The following SAMMSON variants were observed in gnomAD, a reference collection of about 807,000 sequenced individuals.
SAMMSON encodes survival associated mitochondrial melanoma specific oncogenic non-coding RNA.
At position 70,378,979 on chromosome 3, in the gene SAMMSON, TTTTATTTATTTATTTA is replaced by T. The variant is rs145138282; in HGVS notation, n.914-10559_914-10544del. Reference sequence around the variant, plus strand: ...AAACATTGCAGGGGTATACTTACACTTTTATTTATTTATTTATTTATTTATTTATTTATTTATTTAT... The same window carrying T: ...AAACATTGCAGGGGTATACTTACACTTTTATTTATTTATTTATTTATTTAT... On this transcript the variant is annotated intron_variant and non_coding_transcript_variant, in intron 9 of 9. Transcript: ENST00000642114. Among the ~76,000 whole-genome samples the T allele has an allele frequency of 3.9e-3, 551 of 141,492 alleles. 4 individuals carry two copies. Among genetic ancestry groups the T allele is most frequent in the African/African-American group, 0.012 (455 of 38,140 alleles). 92.8% of individuals were successfully genotyped at this position (141,492 alleles called of 152,430 possible).
chr3:70,081,050 A>G (rs1240900816), intron 4 of SAMMSON, among the ~76,000 whole-genome samples: 2 of 152,180 alleles, frequency 1.3e-5, no homozygotes, highest in South Asian at 4.1e-4. Flanking sequence ...AGTTTTGTTC[A>G]TTGATACTGT....
At chr3:70,433,041 T>G (rs1434672116) in intron 2 of SAMMSON, among the ~76,000 whole-genome samples, 2 of 152,128 alleles carry the variant, frequency 1.3e-5, no homozygotes, top group African/African-American at 2.4e-5. Flanking sequence ...AGCTATATAT[T>G]ATACTACAGT....
chr3:70,116,718 G>A (rs1032921523), intron 4 of SAMMSON, among the ~76,000 whole-genome samples: 3 of 152,086 alleles, frequency 2.0e-5, no homozygotes, highest in Non-Finnish European at 4.4e-5. Context: ...CATCATGAAT[G>A]AAGAAAAGGG....
At chr3:70,430,362 G>A (rs1701403898) in intron 2 of SAMMSON, among the ~76,000 whole-genome samples, 1 of 151,930 alleles carries the variant, frequency 6.6e-6, no homozygotes, top group Admixed American at 6.6e-5. Context: ...TGCTGGATTC[G>A]GTATGCCACT....
At chr3:70,316,042 T>C (rs1702491939) in intron 7 of SAMMSON, among the ~76,000 whole-genome samples, 2 of 152,192 alleles carry the variant, frequency 1.3e-5, no homozygotes, top group Non-Finnish European at 2.9e-5. Context: ...CACTTCTTTT[T>C]ATAATTCTGT....
chr3:70,143,108 G>A (rs1470809076), intron 4 of SAMMSON, among the ~76,000 whole-genome samples: 1 of 152,030 alleles, frequency 6.6e-6, no homozygotes, highest in Non-Finnish European at 1.5e-5. Flanking sequence ...CTTGTTACTT[G>A]ACCATTTGCT....
intron 6 of SAMMSON, among the ~76,000 whole-genome samples, chr3:70,268,789 C>A (rs980449617): frequency 6.6e-6 from 1 of 152,114 alleles, no homozygotes; most frequent in Non-Finnish European, 1.5e-5. Flanking sequence ...TTATTTGCAT[C>A]ATAAATATTT....
rs116180567 is a variant in SAMMSON, at chr3:70,223,644, A to G, written n.508-25463A>G. Among the ~76,000 whole-genome samples the G allele has an allele frequency of 5.1e-3, 777 of 152,270 alleles. 9 individuals are homozygous for G. Among genetic ancestry groups the G allele is most frequent in the Middle Eastern group, 0.014 (4 of 294 alleles). The stretch of plus-strand genomic sequence containing the variant: ...ACAGGCTATTTCCTGGTACCCTGTC[A>G]CAGGTTCATTCCCAAGACTTAAGTC... On this transcript the variant is annotated intron_variant and non_coding_transcript_variant, in intron 4 of 9. Coordinates refer to ENST00000642114, the Ensembl canonical transcript of SAMMSON.
chr3:70,343,465 AG>A (rs1475193833), intron 7 of SAMMSON, among the ~76,000 whole-genome samples: 3 of 152,084 alleles, frequency 2.0e-5, no homozygotes, highest in African/African-American at 7.2e-5. Flanking sequence ...GGTATTTTGT[AG>A]AATGTCCATC....
chr3:70,430,083 G>A (rs946198136), intron 2 of SAMMSON, among the ~76,000 whole-genome samples: 1 of 152,180 alleles, frequency 6.6e-6, no homozygotes, highest in Non-Finnish European at 1.5e-5. Flanking sequence ...TGCCCATTCA[G>A]TATGATATTG....
chr3:70,342,388 T>C (rs1702717690), intron 7 of SAMMSON, among the ~76,000 whole-genome samples: 1 of 152,320 alleles, frequency 6.6e-6, no homozygotes, highest in East Asian at 1.9e-4. Context: ...AGCTTCTGTA[T>C]CTTAGCATAA....
intron 7 of SAMMSON, among the ~76,000 whole-genome samples, chr3:70,350,072 G>T (rs1197478645): frequency 2.0e-5 from 3 of 151,974 alleles, no homozygotes; most frequent in Non-Finnish European, 2.9e-5. Context: ...CATGAGTGCT[G>T]GTGACACACT....
intron 4 of SAMMSON, among the ~76,000 whole-genome samples, chr3:70,166,303 G>A (rs2067636809): frequency 6.6e-6 from 1 of 151,992 alleles, no homozygotes; most frequent in South Asian, 2.1e-4. Flanking sequence ...TTTCTAAAAG[G>A]ATGAGGCTTT....
intron 3 of SAMMSON, chr3:70,070,238 A>G (rs916167296): frequency 2.6e-5 from 4 of 152,096 alleles, no homozygotes; most frequent in Non-Finnish European, 5.9e-5. Flanking sequence ...AACGTTTTAT[A>G]TAACCATAGT....
chr3:70,061,426 T>G (rs1378823799), intron 3 of SAMMSON, among the ~76,000 whole-genome samples: 1 of 152,152 alleles, frequency 6.6e-6, no homozygotes, highest in African/African-American at 2.4e-5. Flanking sequence ...ATCTTTAAGA[T>G]TTGTAACAAC....
intron 6 of SAMMSON, among the ~76,000 whole-genome samples, chr3:70,259,843 G>A (rs949004684): frequency 6.6e-6 from 1 of 152,126 alleles, no homozygotes; most frequent in African/African-American, 2.4e-5. Flanking sequence ...CAGCTGGGGA[G>A]GTCTCAGGAA....
At chr3:70,028,451 T>C (rs2067051532) in intron 3 of SAMMSON, among the ~76,000 whole-genome samples, 2 of 152,014 alleles carry the variant, frequency 1.3e-5, no homozygotes, top group Non-Finnish European at 2.9e-5. Flanking sequence ...ATGGGGAGAA[T>C]TTGTGGCTGT....
chr3:70,026,504 A>G (rs549407979), intron 3 of SAMMSON, among the ~76,000 whole-genome samples: 1 of 152,278 alleles, frequency 6.6e-6, no homozygotes, highest in South Asian at 2.1e-4. Flanking sequence ...ACTGCTTTAG[A>G]TGACAGACTG....
chr3:70,037,161 G>T (rs945921643), intron 3 of SAMMSON, among the ~76,000 whole-genome samples: 54 of 145,112 alleles, frequency 3.7e-4, no homozygotes, highest in Non-Finnish European at 6.2e-4. Context: ...CTATTGATTT[G>T]TTTTTTTTTT....
Sources: gnomAD v4.1 joint callset for allele counts (sites outside exome capture counted in the v4.1 genomes callset) on GRCh38, gnomAD v4.1.1 for gene constraint, MANE v1.5 for transcripts, NCBI Gene and HGNC (gene_info 2026-07-23, HGNC 2026-07-21) for gene names.